The following ATP8B1 variants were observed in gnomAD, a reference collection of about 807,000 sequenced individuals.
ATP8B1 encodes ATPase phospholipid transporting 8B1, also known as phospholipid-transporting ATPase IC.
Under a neutral mutation model 149.9 loss-of-function variants are expected in ATP8B1, and 80 were observed. The observed-to-expected ratio is 0.53, with a 90% CI of 0.45 to 0.64. The LOEUF (loss-of-function observed/expected upper bound fraction) is 0.64. Ranked by LOEUF, ATP8B1 falls within the 30% of genes least tolerant of loss-of-function variation. ATP8B1 has a pLI of 0.00. For synonymous variants in ATP8B1, 536 were observed against 562.8 expected, an observed-to-expected ratio of 0.95 and a Z score of 0.67; for missense variants, 1,247 against 1,552.6, an observed-to-expected ratio of 0.80 and a Z score of 3.31.
chr18:57,648,745 T>C (rs913105396), intron 27 of ATP8B1, 33 bp from the exon 28 acceptor site: 1 of 1,544,872 alleles, frequency 6.5e-7, no homozygotes, highest in Non-Finnish European at 8.7e-7. Flanking sequence ...GGGATGAAAA[T>C]AAGATCCACA....
intron 1 of ATP8B1, among the ~76,000 whole-genome samples, chr18:57,751,004 T>A (rs1449110367): frequency 6.6e-6 from 1 of 151,992 alleles, no homozygotes; most frequent in Non-Finnish European, 1.5e-5. Flanking sequence ...CCTGCTATAA[T>A]CCCAGCCACT....
At chr18:57,696,547 C>CAAAA (rs10639684) in intron 8 of ATP8B1, among the ~76,000 whole-genome samples, 2 of 145,646 alleles carry the variant, frequency 1.4e-5, no homozygotes, top group Non-Finnish European at 1.5e-5. Context: ...TTTTTTCCGC[C>CAAAA]AAAAAAAAAA....
rs765609460 is a variant in ATP8B1, at chr18:57,667,058, A to G, written c.2285+34T>C. 28 of 1,540,964 alleles carry G rather than the reference A, an allele frequency of 1.8e-5. No homozygotes were observed. In the South Asian group the frequency reaches 2.9e-4, roughly 16 times the overall value. ...AGTCTTGCATTTGCAAAGATGAGCT[A>G]TTACGTAATTTCATACTGCAGGCTT... On this transcript the variant is annotated intron_variant, in intron 20 of 27. Coordinates refer to ENST00000648908, the MANE Select transcript of ATP8B1 (RefSeq NM_001374385.1).
chr18:57,679,701 G>T (rs1471270647), intron 15 of ATP8B1, among the ~76,000 whole-genome samples: 1 of 152,090 alleles, frequency 6.6e-6, no homozygotes, highest in Non-Finnish European at 1.5e-5. Context: ...GTCTCACTTT[G>T]TCGCCCAGGC....
intron 1 of ATP8B1, among the ~76,000 whole-genome samples, chr18:57,742,354 C>T (rs1045745064): frequency 6.6e-6 from 1 of 152,120 alleles, no homozygotes; most frequent in Admixed American, 6.5e-5. Flanking sequence ...TTATTTCCTC[C>T]CAAGGCAGGA....
chr18:57,661,696 C>CATAT lies in ATP8B1; in HGVS notation c.2419-238_2419-235dup, dbSNP rs1555688767. On this transcript the variant is annotated intron_variant, in intron 21 of 27. Coordinates refer to ENST00000648908, the MANE Select transcript of ATP8B1 (RefSeq NM_001374385.1). ...GTATATACACACACACACACACACA[C>CATAT]ATATATATATATATATATTTTTTTT... Among the ~76,000 whole-genome samples the CATAT allele has an allele frequency of 7.1e-3, 637 of 90,298 alleles. 5 individuals carry two copies. The highest frequency in any genetic ancestry group is 0.021 in the South Asian group (42 of 1,988). The allele number at this position is 90,298 out of a possible 152,430, so 59.2% of individuals were successfully genotyped here. A position where few individuals can be genotyped will look rare whatever the true frequency, so the allele number is the denominator to read the frequency against.
In ATP8B1 at chr18:57,706,585, A is replaced by G. The variant is rs140577068; in HGVS notation, c.184T>C (p.Cys62Arg). The G allele has an allele frequency of 3.5e-4, 558 of 1,612,872 alleles. No individual in the cohort carries two copies. The highest frequency in any genetic ancestry group is 4.0e-4 in the Non-Finnish European group (470 of 1,179,206). The change falls in exon 3 of 28, where the codon TGT becomes CGT. Residue 62 changes from cysteine (C) to arginine (R), a missense_variant and splice_region_variant. Cys to Arg is a radical substitution (Grantham distance 180). This residue lies in a region of ATP8B1 where 853 missense variants were observed against 1,035.7 expected (regional missense o/e 0.82). Transcript: ENST00000648908. ...TCGTTTGCTTTGACTTGCCATGTACATTCTTTAAAAAAAAGGGAGAAAAGT... is the reference window on the plus strand; with the variant it reads ...TCGTTTGCTTTGACTTGCCATGTACGTTCTTTAAAAAAAAGGGAGAAAAGT... ...EENREPFRKE[C>R]TWQVKANDRK...
chr18:57,651,255 G>A (rs62094188), intron 26 of ATP8B1, among the ~76,000 whole-genome samples: 12,026 of 152,070 alleles, frequency 0.079, 641 homozygotes, highest in Non-Finnish European at 0.11. Flanking sequence ...ACAGGTGTGC[G>A]CCACCACGCT....
chr18:57,761,944 TAAAAAAAAAAAA>T (rs71171087), intron 1 of ATP8B1, among the ~76,000 whole-genome samples: 13 of 98,220 alleles, frequency 1.3e-4, no homozygotes. Flanking sequence ...GCAAGACTGT[TAAAAAAAAAAAA>T]AAAAAAAAAA....
At chr18:57,665,398 G>A (rs1042289773) in intron 20 of ATP8B1, among the ~76,000 whole-genome samples, 8 of 151,864 alleles carry the variant, frequency 5.3e-5, no homozygotes, top group African/African-American at 1.7e-4. Flanking sequence ...CTTTAGCTTC[G>A]GGACCAATTT....
chr18:57,731,520 A>C, intron 2 of ATP8B1, 107 bp downstream of exon 2: 1 of 1,263,672 alleles, frequency 7.9e-7, no homozygotes, highest in Non-Finnish European at 1.1e-6. Flanking sequence ...ATCAGAGAAG[A>C]TTCTCTCCTA....
intron 2 of ATP8B1, among the ~76,000 whole-genome samples, chr18:57,722,866 C>T (rs1325389911): frequency 7.4e-5 from 11 of 148,388 alleles, no homozygotes; most frequent in East Asian, 2.0e-4. Flanking sequence ...ACTGGCAAAC[C>T]GAATCCAGCA....
chr18:57,721,502 G>A (rs1327284093), intron 2 of ATP8B1, among the ~76,000 whole-genome samples: 1 of 151,552 alleles, frequency 6.6e-6, no homozygotes, highest in Non-Finnish European at 1.5e-5. Flanking sequence ...GACAAAGAAG[G>A]CCATTACATA....
chr18:57,669,394 A>G lies in ATP8B1; in HGVS notation c.2021T>C (p.Met674Thr), dbSNP rs35470719. The G allele has an allele frequency of 1.9e-3, 3,094 of 1,614,056 alleles. 80 individuals carry two copies. The East Asian group carries it at 0.05, about 26-fold the overall frequency. Residue 674 changes from methionine to threonine, a missense_variant, in exon 18 of 28, where the codon ATG becomes ACG. Physicochemically the swap from Met to Thr is moderately conservative, Grantham distance 81. This residue lies in a region of ATP8B1 where 853 missense variants were observed against 1,035.7 expected (regional missense o/e 0.82). Transcript: ENST00000648908. ...KEFTEWNKKF[M>T]AASVASTNRD... ...GTTGGTGGAGGCCACACTGGCAGCC[A>G]TAAACTTTTTATTCCATTCTGTAAA...
chr18:57,666,569 C>T (rs1211656523), intron 20 of ATP8B1, among the ~76,000 whole-genome samples: 1 of 145,444 alleles, frequency 6.9e-6, no homozygotes, highest in Admixed American at 7.0e-5. Context: ...GAGTTTCACT[C>T]TTGTCACCTA....
At chr18:57,661,109 A>G (rs763666819) in intron 22 of ATP8B1, 65 bp downstream of exon 22, 143 of 1,587,542 alleles carry the variant, frequency 9.0e-5, no homozygotes, top group Non-Finnish European at 1.2e-4. Flanking sequence ...TCCACCCCCT[A>G]CACATTCCAG....
chr18:57,745,155 G>GTATT (rs1252181761), intron 1 of ATP8B1, among the ~76,000 whole-genome samples: 1 of 152,160 alleles, frequency 6.6e-6, no homozygotes, highest in East Asian at 1.9e-4. Flanking sequence ...ATTAGTATAT[G>GTATT]TATTACTGAT....
intron 1 of ATP8B1, among the ~76,000 whole-genome samples, chr18:57,771,946 A>G (rs2080267847): frequency 6.6e-6 from 1 of 152,176 alleles, no homozygotes; most frequent in Non-Finnish European, 1.5e-5. Flanking sequence ...CGACATACTA[A>G]TTAGTCGGCA....
At chr18:57,718,432 AAAG>A (rs1481048293) in intron 2 of ATP8B1, among the ~76,000 whole-genome samples, 1 of 152,188 alleles carries the variant, frequency 6.6e-6, no homozygotes, top group East Asian at 1.9e-4. Flanking sequence ...CCAAGCATTT[AAAG>A]AAGAACTAAT....
Sources: gnomAD v4.1 joint callset for allele counts (sites outside exome capture counted in the v4.1 genomes callset) on GRCh38, gnomAD v4.1.1 for gene constraint, gnomAD v4.1.1 regional missense constraint, MANE v1.5 for transcripts, NCBI Gene and HGNC (gene_info 2026-07-23, HGNC 2026-07-21) for gene names.